The following NRG3 variants were observed in gnomAD, a reference collection of about 807,000 sequenced individuals.
The protein encoded by NRG3 is pro-neuregulin-3, membrane-bound isoform.
A neutral mutation model predicts 66.9 loss-of-function variants in NRG3; 31 were observed. The ratio of observed to expected loss-of-function variants is 0.46; its 90% confidence interval spans 0.35 to 0.63. The LOEUF (loss-of-function observed/expected upper bound fraction) is 0.63, where lower values mean the gene tolerates loss of function less well. Ranked by LOEUF, NRG3 falls within the 20% of genes least tolerant of loss-of-function variation. The probability of loss-of-function intolerance (pLI) is 0.00; values close to 1 mark genes in which losing one functional copy is unlikely to be tolerated. For missense variants in NRG3, 910 were observed against 878.9 expected (o/e 1.04, Z -0.45); for synonymous variants, 393 against 359.4 (o/e 1.09, Z -1.06).
chr10:82,303,063 C>T (rs1399465029), intron 1 of NRG3, among the ~76,000 whole-genome samples: 1 of 152,132 alleles, frequency 6.6e-6, no homozygotes, highest in African/African-American at 2.4e-5. Flanking sequence ...TAATCAAACA[C>T]ATATCTCTCT....
intron 1 of NRG3, among the ~76,000 whole-genome samples, chr10:82,228,188 A>G (rs2076260735): frequency 6.6e-6 from 1 of 152,216 alleles, no homozygotes. Flanking sequence ...ATTAAATGCT[A>G]TGACACAAAA....
At chr10:81,877,835 C>G in intron 1 of NRG3, 2 of 1,460,752 alleles carry the variant, frequency 1.4e-6, no homozygotes, top group Non-Finnish European at 1.8e-6. Context: ...ACAAATCTAG[C>G]TTGTGTTTTG....
At chr10:81,982,763 T>A (rs931295196) in intron 1 of NRG3, among the ~76,000 whole-genome samples, 5 of 152,216 alleles carry the variant, frequency 3.3e-5, no homozygotes, top group Non-Finnish European at 7.3e-5. Flanking sequence ...CCTAAGAGCC[T>A]CATTTTTACT....
At chr10:82,388,503 A>G (rs1322157915) in intron 2 of NRG3, among the ~76,000 whole-genome samples, 2 of 152,222 alleles carry the variant, frequency 1.3e-5, no homozygotes, top group African/African-American at 2.4e-5. Flanking sequence ...TTTAAAAATA[A>G]TAAAATTAAT....
At chr10:81,918,404 A>G (rs1845907666) in intron 1 of NRG3, among the ~76,000 whole-genome samples, 1 of 152,200 alleles carries the variant, frequency 6.6e-6, no homozygotes, top group African/African-American at 2.4e-5. Context: ...GAGTAAACAC[A>G]AGTATAAATC....
At chr10:82,237,570 A>ATT (rs138746003) in intron 1 of NRG3, among the ~76,000 whole-genome samples, 14 of 147,874 alleles carry the variant, frequency 9.5e-5, no homozygotes, top group South Asian at 2.1e-4. Context: ...GACCCAGTGC[A>ATT]TTTTTTTTTT....
chr10:82,343,716 A>C (rs1277233530), intron 1 of NRG3, among the ~76,000 whole-genome samples: 2 of 152,120 alleles, frequency 1.3e-5, no homozygotes, highest in African/African-American at 4.8e-5. Context: ...ATTGACTGTT[A>C]AGAAATTACA....
intron 1 of NRG3, among the ~76,000 whole-genome samples, chr10:82,043,413 G>A (rs557097423): frequency 2.0e-5 from 3 of 151,996 alleles, no homozygotes; most frequent in Admixed American, 2.0e-4. Context: ...TGCTTTGCTT[G>A]TTCTTGTGGT....
At chr10:82,458,393 G>A (rs190757980) in intron 2 of NRG3, among the ~76,000 whole-genome samples, 123 of 152,222 alleles carry the variant, frequency 8.1e-4, no homozygotes, top group Non-Finnish European at 6.8e-4. Context: ...ATTTTCAGAG[G>A]TGCCAGGGTA....
At chr10:82,352,916 C>T (rs1416872434) in intron 1 of NRG3, among the ~76,000 whole-genome samples, 2 of 145,222 alleles carry the variant, frequency 1.4e-5, no homozygotes, top group Non-Finnish European at 1.5e-5. Flanking sequence ...ATTATGGAAA[C>T]AGATTTTATT....
At chr10:82,835,493 C>A (rs73309159) in intron 3 of NRG3, among the ~76,000 whole-genome samples, 6,978 of 152,054 alleles carry the variant, frequency 0.046, 222 homozygotes, top group African/African-American at 0.093. Context: ...AAGAGATGAC[C>A]CAGAATCAGA....
chr10:82,422,100 A>ATTGATT (rs1293099917), intron 2 of NRG3, among the ~76,000 whole-genome samples: 2 of 152,088 alleles, frequency 1.3e-5, no homozygotes, highest in Non-Finnish European at 2.9e-5. Context: ...GGCCTCATCC[A>ATTGATT]TTGATTGTGC....
chr10:82,654,265 T>G (rs2051672350), intron 2 of NRG3, among the ~76,000 whole-genome samples: 1 of 152,190 alleles, frequency 6.6e-6, no homozygotes, highest in Non-Finnish European at 1.5e-5. Context: ...ATTGCAGGCT[T>G]TTTGGCAGGT....
chr10:82,796,860 A>C (rs569882873), intron 3 of NRG3, among the ~76,000 whole-genome samples: 2 of 152,238 alleles, frequency 1.3e-5, no homozygotes, highest in Admixed American at 1.3e-4. Flanking sequence ...CTTATTATAA[A>C]TTCTTACAGG....
At chr10:82,290,304 A>G (rs967752024) in intron 1 of NRG3, among the ~76,000 whole-genome samples, 2 of 152,234 alleles carry the variant, frequency 1.3e-5, no homozygotes, top group African/African-American at 4.8e-5. Context: ...TTTCAGCAAT[A>G]ACAGTTTATT....
At chr10:82,300,924 A>G (rs1317237260) in intron 1 of NRG3, among the ~76,000 whole-genome samples, 1 of 152,106 alleles carries the variant, frequency 6.6e-6, no homozygotes, top group Non-Finnish European at 1.5e-5. Context: ...TGACCCCAGG[A>G]GCTCAAATTC....
At chr10:82,761,349 C>T (rs184978785) in intron 3 of NRG3, among the ~76,000 whole-genome samples, 19 of 152,036 alleles carry the variant, frequency 1.2e-4, no homozygotes, top group Admixed American at 1.1e-3. Context: ...TTTTTAGAGA[C>T]CATTTGTAGC....
intron 3 of NRG3, among the ~76,000 whole-genome samples, chr10:82,771,899 T>C (rs2059725909): frequency 1.3e-5 from 2 of 152,166 alleles, no homozygotes; most frequent in Non-Finnish European, 1.5e-5. Flanking sequence ...ACCTTTGATT[T>C]CTCCCTCTTA....
chr10:82,621,383 C>T (rs2049029193), intron 2 of NRG3, among the ~76,000 whole-genome samples: 1 of 152,196 alleles, frequency 6.6e-6, no homozygotes. Flanking sequence ...CTGACCAACT[C>T]TGCCATCTGG....
Sources: gnomAD v4.1 joint callset for allele counts (sites outside exome capture counted in the v4.1 genomes callset) on GRCh38, gnomAD v4.1.1 for gene constraint, MANE v1.5 for transcripts, NCBI Gene and HGNC (gene_info 2026-07-23, HGNC 2026-07-21) for gene names.